The following RNF43 variants were observed in gnomAD, a reference collection of about 807,000 sequenced individuals.
The protein encoded by RNF43 is ring finger protein 43.
A neutral mutation model predicts 78.4 loss-of-function variants in RNF43; 37 were observed. The observed-to-expected ratio is 0.47, with a 90% CI of 0.36 to 0.62. The LOEUF (loss-of-function observed/expected upper bound fraction) is 0.62. Ranked by LOEUF, RNF43 falls within the 20% of genes least tolerant of loss-of-function variation. The pLI is 0.00. For synonymous variants in RNF43, 347 were observed against 395.0 expected, an observed-to-expected ratio of 0.88 and a Z score of 1.44; for missense variants, 774 against 1,007.9, an observed-to-expected ratio of 0.77 and a Z score of 3.14.
At chr17:58,366,594 A>G (rs1213483415) in intron 3 of RNF43, among the ~76,000 whole-genome samples, 5 of 152,180 alleles carry the variant, frequency 3.3e-5, no homozygotes, top group Admixed American at 3.3e-4. Flanking sequence ...CAGTGCCCAG[A>G]TTGCCTAGGG....
intron 2 of RNF43, among the ~76,000 whole-genome samples, chr17:58,379,995 A>T (rs1490952103): frequency 1.3e-5 from 2 of 152,206 alleles, no homozygotes; most frequent in East Asian, 1.9e-4. Context: ...TACATCAGGG[A>T]TCTTTAGAAG....
In RNF43 at chr17:58,362,726, G is replaced by C. The variant is rs2285989; in HGVS notation, c.583-78C>G. The stretch of plus-strand genomic sequence containing the variant: ...AATTCGGGAGGAAACACAGGAGCCC[G>C]GGAGGCACATAGCTAACTGGAGGTT... On this transcript the variant is annotated intron_variant, in intron 5 of 9. Coordinates refer to ENST00000407977, the MANE Select transcript of RNF43 (RefSeq NM_017763.6). 8.3e-4 allele frequency: 934 copies of C among 1,130,420 alleles called. 1 individual carries two copies. The highest frequency in any genetic ancestry group is 1.1e-3 in the Non-Finnish European group (849 of 779,140). 70.0% of individuals were successfully genotyped at this position (1,130,420 alleles called of 1,614,324 possible).
At chr17:58,356,074 C>T (rs151001527) in intron 9 of RNF43, among the ~76,000 whole-genome samples, 1 of 152,196 alleles carries the variant, frequency 6.6e-6, no homozygotes, top group Non-Finnish European at 1.5e-5. Flanking sequence ...AAAGTACACA[C>T]ACAATAGGGT....
chr17:58,353,078 GA>G (rs1972597882), downstream of RNF43: 1 of 209,650 alleles, frequency 4.8e-6, no homozygotes, highest in African/African-American at 2.3e-5. Context: ...AGTGCAGGCA[GA>G]ACGCAGTCAT....
intron 2 of RNF43, among the ~76,000 whole-genome samples, chr17:58,412,457 T>C (rs913355014): frequency 1.3e-5 from 2 of 152,144 alleles, no homozygotes; most frequent in Non-Finnish European, 2.9e-5. Context: ...GAACATACCT[T>C]GTAAAATGAA....
intron 6 of RNF43, among the ~76,000 whole-genome samples, chr17:58,361,930 C>A (rs953582859): frequency 2.6e-5 from 4 of 151,958 alleles, no homozygotes; most frequent in East Asian, 1.9e-4. Flanking sequence ...AAAAATTAAC[C>A]CTGTTAATTT....
chr17:58,388,974 A>C (rs1973491175), intron 2 of RNF43, among the ~76,000 whole-genome samples: 1 of 152,244 alleles, frequency 6.6e-6, no homozygotes, highest in African/African-American at 2.4e-5. Context: ...TACAAAGGCT[A>C]CTGCATGCCA....
At chr17:58,397,973 C>T (rs545347514) in intron 2 of RNF43, among the ~76,000 whole-genome samples, 1 of 152,314 alleles carries the variant, frequency 6.6e-6, no homozygotes, top group African/African-American at 2.4e-5. Context: ...TTTGTATCAG[C>T]CCACTCCCTA....
chr17:58,368,712 CAAAAAAA>C (rs71365882), intron 3 of RNF43, among the ~76,000 whole-genome samples: 2 of 95,818 alleles, frequency 2.1e-5, no homozygotes, highest in Non-Finnish European at 4.4e-5. Context: ...GACTCTGTCT[CAAAAAAA>C]AAAAAAAAGA....
chr17:58,389,913 T>C (rs1973515757), intron 2 of RNF43, among the ~76,000 whole-genome samples: 1 of 152,250 alleles, frequency 6.6e-6, no homozygotes, highest in Non-Finnish European at 1.5e-5. Context: ...TCAATTCTTC[T>C]AAAGGACCTA....
chr17:58,380,986 G>C (rs1973303204), intron 2 of RNF43, among the ~76,000 whole-genome samples: 2 of 152,170 alleles, frequency 1.3e-5, no homozygotes, highest in African/African-American at 4.8e-5. Context: ...ATTTGCATTG[G>C]CACAATGCAA....
Position 58,415,884 on chromosome 17 carries a change from G to T in RNF43, c.-307C>A, listed in dbSNP as rs1016613206. On this transcript the variant is annotated 5_prime_UTR_variant, in exon 2 of 10. Coordinates refer to ENST00000407977, the MANE Select transcript of RNF43 (RefSeq NM_017763.6). ...CTTTGGAATTTCCAACTTTGCTTGT[G>T]ATTGAATGTCACTTCGTGAATTTGT... is the stretch of plus-strand genomic sequence containing the variant. 8.9e-6 allele frequency: 4 copies of T among 447,124 alleles called. No individual in the cohort carries two copies. In the East Asian group the frequency reaches 1.5e-4, roughly 17 times the overall value. The allele number at this position is 447,124 out of a possible 1,614,324, so 27.7% of individuals were successfully genotyped here.
intron 2 of RNF43, among the ~76,000 whole-genome samples, chr17:58,393,244 C>T (rs753029427): frequency 6.6e-6 from 1 of 152,110 alleles, no homozygotes; most frequent in Non-Finnish European, 1.5e-5. Context: ...CCCATCTCTA[C>T]TAAAAATACA....
intron 5 of RNF43, 23 bp downstream of exon 5, chr17:58,363,252 G>A (rs767980835): frequency 6.2e-7 from 1 of 1,611,356 alleles, no homozygotes; most frequent in South Asian, 1.1e-5. Context: ...GCAGGGCAAG[G>A]TCTGGAGGTC....
At chr17:58,412,227 T>C (rs549171372) in intron 2 of RNF43, among the ~76,000 whole-genome samples, 200 of 152,172 alleles carry the variant, frequency 1.3e-3, no homozygotes, top group Non-Finnish European at 2.2e-3. Flanking sequence ...ATTAGATACT[T>C]TAAAGACAAT....
intron 2 of RNF43, among the ~76,000 whole-genome samples, chr17:58,373,116 G>T (rs1442740298): frequency 2.6e-5 from 4 of 152,176 alleles, no homozygotes; most frequent in Non-Finnish European, 5.9e-5. Flanking sequence ...AGGACAAATC[G>T]CAGCCACAGA....
intron 2 of RNF43, among the ~76,000 whole-genome samples, chr17:58,378,320 CA>C (rs1305477202): frequency 6.6e-6 from 1 of 152,146 alleles, no homozygotes; most frequent in Admixed American, 6.5e-5. Flanking sequence ...TGCAGTGGTA[CA>C]GTCTCAGCTC....
intron 2 of RNF43, among the ~76,000 whole-genome samples, chr17:58,407,460 T>C (rs975054724): frequency 6.6e-6 from 1 of 152,252 alleles, no homozygotes; most frequent in South Asian, 2.1e-4. Flanking sequence ...CTTACAATTT[T>C]AAAAAAACCT....
At chr17:58,385,742 T>C (rs1453417863) in intron 2 of RNF43, among the ~76,000 whole-genome samples, 1 of 152,212 alleles carries the variant, frequency 6.6e-6, no homozygotes, top group Non-Finnish European at 1.5e-5. Context: ...TGGTTTTAAA[T>C]TTCAACTCGG....
Sources: allele counts gnomAD v4.1 joint callset (sites outside exome capture counted in the v4.1 genomes callset), GRCh38; gene constraint gnomAD v4.1.1; transcripts MANE v1.5; gene names NCBI Gene and HGNC (gene_info 2026-07-23, HGNC 2026-07-21).